OSBPL9: variants seen among roughly 807,000 people sequenced by gnomAD.
OSBPL9 encodes the protein oxysterol binding protein like 9, also known as oxysterol-binding protein-related protein 9.
Under a neutral mutation model 106.6 loss-of-function variants are expected in OSBPL9, and 40 were observed. The observed-to-expected ratio is 0.38, with a 90% CI of 0.29 to 0.49. The LOEUF (loss-of-function observed/expected upper bound fraction) is 0.49. Among genes scored for constraint, OSBPL9 ranks in the 20% least tolerant of loss-of-function variants. The pLI, the probability that OSBPL9 is intolerant of heterozygous loss-of-function variation, is 0.97. For missense variants in OSBPL9, 609 were observed against 887.2 expected (o/e 0.69, Z 3.98); for synonymous variants, 269 against 295.4 (o/e 0.91, Z 0.92).
chr1:51,524,385 T>G, the OSBPL9 span, among the ~76,000 whole-genome samples: 1 of 152,228 alleles, frequency 6.6e-6, no homozygotes, highest in Non-Finnish European at 1.5e-5. Context: ...TGCAGGTTCT[T>G]TGGTGACTTT....
intron 4 of OSBPL9, among the ~76,000 whole-genome samples, chr1:51,734,700 C>T (rs1182767632): frequency 1.3e-5 from 2 of 152,126 alleles, no homozygotes; most frequent in African/African-American, 2.4e-5. Flanking sequence ...AGCAGCTAAA[C>T]GACTTGCCCA....
At chr1:51,650,113 G>GT (rs1646424135) in intron 1 of OSBPL9, among the ~76,000 whole-genome samples, 1 of 152,080 alleles carries the variant, frequency 6.6e-6, no homozygotes, top group Non-Finnish European at 1.5e-5. Context: ...CTGGGCCCAA[G>GT]TGACCCTCTT....
intron 9 of OSBPL9, among the ~76,000 whole-genome samples, chr1:51,758,397 C>T (rs1011049593): frequency 4.7e-5 from 7 of 149,264 alleles, no homozygotes; most frequent in Non-Finnish European, 1.0e-4. Context: ...TACACTGATT[C>T]GGGTAGACTG....
intron 4 of OSBPL9, among the ~76,000 whole-genome samples, chr1:51,730,688 T>C (rs778835855): frequency 3.5e-4 from 53 of 152,230 alleles, no homozygotes; most frequent in Non-Finnish European, 3.2e-4. Flanking sequence ...ATTCATACTG[T>C]ATTATAAGTA....
intron 2 of OSBPL9, among the ~76,000 whole-genome samples, chr1:51,600,417 A>G (rs1187102893): frequency 2.0e-5 from 3 of 152,042 alleles, no homozygotes; most frequent in Non-Finnish European, 4.4e-5. Context: ...GCCCTTATGG[A>G]CCCCTTCTTC....
chr1:51,660,087 C>T (rs1013051740), intron 2 of OSBPL9, among the ~76,000 whole-genome samples: 6 of 152,014 alleles, frequency 3.9e-5, no homozygotes, highest in African/African-American at 1.4e-4. Flanking sequence ...ACAAATCAGA[C>T]ATTATCACTT....
the OSBPL9 span, among the ~76,000 whole-genome samples, chr1:51,571,580 G>A: frequency 0.16 from 24,018 of 151,938 alleles, 3,664 homozygotes; most frequent in African/African-American, 0.4. Flanking sequence ...GGTGGGAGAA[G>A]CATTTGGGCC....
intron 1 of OSBPL9, among the ~76,000 whole-genome samples, chr1:51,646,957 G>A (rs1483595591): frequency 1.3e-5 from 2 of 152,104 alleles, no homozygotes; most frequent in African/African-American, 2.4e-5. Flanking sequence ...AGTACCTCCA[G>A]TACAGTGTTG....
upstream of OSBPL9, among the ~76,000 whole-genome samples, chr1:51,573,141 G>C (rs373406907): frequency 2.4e-4 from 37 of 151,850 alleles, 1 homozygote; most frequent in South Asian, 6.9e-3. Flanking sequence ...GAACCAGGGA[G>C]GCAGAGGTTG....
chr1:51,581,757 G>A (rs1366441711), intron 1 of OSBPL9, among the ~76,000 whole-genome samples: 1 of 152,164 alleles, frequency 6.6e-6, no homozygotes, highest in Non-Finnish European at 1.5e-5. Context: ...CTAGGCTCAA[G>A]GGATCCTCCC....
chr1:51,762,062 GA>G (rs1671635219), intron 11 of OSBPL9, 91 bp downstream of exon 11: 1 of 856,186 alleles, frequency 1.2e-6, no homozygotes, highest in Non-Finnish European at 2.0e-6. Flanking sequence ...GAAAGTTGAA[GA>G]AATGTGTTGT....
chr1:51,766,207 G>T (rs943385952), intron 12 of OSBPL9, among the ~76,000 whole-genome samples: 1 of 152,098 alleles, frequency 6.6e-6, no homozygotes, highest in African/African-American at 2.4e-5. Context: ...TGAGAGTTTT[G>T]ATTTTAGTCC....
At chr1:51,561,748 GC>G in the OSBPL9 span, 3 of 152,126 alleles carry the variant, frequency 2.0e-5, no homozygotes, top group African/African-American at 7.2e-5. Flanking sequence ...GACTATGACT[GC>G]CCCCATTTAA....
At chr1:51,760,559 T>C in intron 9 of OSBPL9, 131 bp from the exon 10 acceptor site, 2 of 1,338,212 alleles carry the variant, frequency 1.5e-6, no homozygotes, top group Non-Finnish European at 2.0e-6. Context: ...TTTCATTCCC[T>C]CTTTTCATTT....
chr1:51,714,189 T>C, intron 4 of OSBPL9, 110 bp downstream of exon 4: 1 of 728,152 alleles, frequency 1.4e-6, no homozygotes, highest in Non-Finnish European at 2.2e-6. Context: ...AATAGGAACT[T>C]ATAATTTCTG....
chr1:51,642,024 TG>T (rs1174229230), intron 1 of OSBPL9, among the ~76,000 whole-genome samples: 2 of 152,148 alleles, frequency 1.3e-5, no homozygotes, highest in Non-Finnish European at 2.9e-5. Context: ...AAAGGCCAAA[TG>T]TTTTTTTTTC....
At chr1:51,614,100 C>G (rs1203121467), upstream of OSBPL9, among the ~76,000 whole-genome samples, 3 of 151,900 alleles carry the variant, frequency 2.0e-5, no homozygotes, top group Non-Finnish European at 4.4e-5. Flanking sequence ...CTTGAAGATG[C>G]CAAACGTCTA....
At chr1:51,742,098 C>G (rs1667058502) in intron 4 of OSBPL9, among the ~76,000 whole-genome samples, 1 of 152,206 alleles carries the variant, frequency 6.6e-6, no homozygotes, top group African/African-American at 2.4e-5. Context: ...TTTCCAGTCA[C>G]TGTAGCCAGC....
chr1:51,784,836 C>G (rs1039974738), intron 20 of OSBPL9: 2 of 485,436 alleles, frequency 4.1e-6, no homozygotes, highest in Admixed American at 3.8e-5. Context: ...CTAAAAGAGG[C>G]CTTCCTAGGT....
Sources: gnomAD v4.1 joint callset for allele counts (sites outside exome capture counted in the v4.1 genomes callset) on GRCh38, gnomAD v4.1.1 for gene constraint, MANE v1.5 for transcripts, NCBI Gene and HGNC (gene_info 2026-07-23, HGNC 2026-07-21) for gene names.